The following TLK1 variants were observed in gnomAD, a reference collection of about 807,000 sequenced individuals.
The protein encoded by TLK1 is tousled like kinase 1.
TLK1 carries 24 observed loss-of-function variants against 105.3 expected under a neutral mutation model. The observed-to-expected ratio is 0.23, with a 90% CI of 0.17 to 0.32. The LOEUF (loss-of-function observed/expected upper bound fraction) is 0.32. Among genes scored for constraint, TLK1 ranks in the 10% least tolerant of loss-of-function variants. The pLI, the probability that TLK1 is intolerant of heterozygous loss-of-function variation, is 1.00. For missense variants in TLK1, 558 were observed against 910.5 expected, an observed-to-expected ratio of 0.61 and a Z score of 4.98; for synonymous variants, 321 against 310.4, an observed-to-expected ratio of 1.03 and a Z score of -0.36.
At chr2:171,015,531 T>C (rs1367189023) in intron 12 of TLK1, among the ~76,000 whole-genome samples, 1 of 150,146 alleles carries the variant, frequency 6.7e-6, no homozygotes, top group East Asian at 2.0e-4. Flanking sequence ...TGTAGTAGAC[T>C]CTAAGGTATC....
At chr2:171,060,962 G>A in intron 4 of TLK1, 119 bp downstream of exon 4, 1 of 953,880 alleles carries the variant, frequency 1.0e-6, no homozygotes, top group Non-Finnish European at 1.6e-6. Context: ...AACTACCTGT[G>A]CACACACCAA....
intron 2 of TLK1, among the ~76,000 whole-genome samples, chr2:171,094,123 TTATAAG>T (rs1325224612): frequency 6.6e-6 from 1 of 152,122 alleles, no homozygotes; most frequent in Non-Finnish European, 1.5e-5. Context: ...AATAGGTCTT[TTATAAG>T]TATATTATTT....
intron 1 of TLK1, among the ~76,000 whole-genome samples, chr2:171,167,172 T>A (rs138347370): frequency 6.1e-4 from 93 of 152,316 alleles, no homozygotes; most frequent in African/African-American, 1.9e-3. Context: ...TACGGAGGTA[T>A]GTTTGTCTTA....
chr2:171,096,918 T>G (rs1019158204), intron 2 of TLK1, among the ~76,000 whole-genome samples: 1 of 152,194 alleles, frequency 6.6e-6, no homozygotes, highest in African/African-American at 2.4e-5. Flanking sequence ...CAAAGTGATC[T>G]ACAGATTCAG....
At chr2:171,219,148 T>C (rs1175059303) in intron 1 of TLK1, among the ~76,000 whole-genome samples, 1 of 152,118 alleles carries the variant, frequency 6.6e-6, no homozygotes, top group African/African-American at 2.4e-5. Flanking sequence ...CCCCATAAAA[T>C]TGTTTTCTTT....
intron 1 of TLK1, among the ~76,000 whole-genome samples, chr2:171,138,504 T>C (rs945383178): frequency 3.3e-5 from 5 of 152,178 alleles, no homozygotes; most frequent in African/African-American, 1.2e-4. Flanking sequence ...ATCATTTTTT[T>C]CTCAAGCTAG....
intron 1 of TLK1, among the ~76,000 whole-genome samples, chr2:171,124,875 C>A (rs1272217180): frequency 6.6e-6 from 1 of 152,188 alleles, no homozygotes. Context: ...TTGGAATTGA[C>A]TCCTTGAATA....
intron 1 of TLK1, among the ~76,000 whole-genome samples, chr2:171,118,558 C>T (rs1388542395): frequency 1.3e-5 from 2 of 152,096 alleles, no homozygotes; most frequent in Non-Finnish European, 2.9e-5. Context: ...TAGTATTAAA[C>T]CACCTTGAAA....
intron 11 of TLK1, among the ~76,000 whole-genome samples, chr2:171,031,285 G>A (rs901829613): frequency 1.5e-4 from 23 of 151,994 alleles, no homozygotes; most frequent in African/African-American, 5.6e-4. Flanking sequence ...AATCAAAAAC[G>A]TTTTTAAAGA....
At chr2:171,190,678 G>A (rs1693128894) in intron 1 of TLK1, among the ~76,000 whole-genome samples, 1 of 152,122 alleles carries the variant, frequency 6.6e-6, no homozygotes, top group African/African-American at 2.4e-5. Context: ...CTTTCAAAAT[G>A]TGAAATCTTT....
chr2:170,994,550 A>C (rs1683960422), intron 20 of TLK1, among the ~76,000 whole-genome samples: 1 of 151,920 alleles, frequency 6.6e-6, no homozygotes, highest in Non-Finnish European at 1.5e-5. Flanking sequence ...AAAAAAAAAA[A>C]AACCTTTCCT....
chr2:171,010,320 G>T (rs527671640), intron 14 of TLK1, among the ~76,000 whole-genome samples: 1 of 152,272 alleles, frequency 6.6e-6, no homozygotes, highest in African/African-American at 2.4e-5. Context: ...TATATACTGA[G>T]GTCAGGGAAG....
intron 3 of TLK1, among the ~76,000 whole-genome samples, chr2:171,069,545 G>T (rs920241251): frequency 3.9e-5 from 6 of 152,148 alleles, no homozygotes; most frequent in African/African-American, 1.4e-4. Context: ...CAGAGATGCT[G>T]CTAAACATCC....
intron 1 of TLK1, among the ~76,000 whole-genome samples, chr2:171,223,466 T>C (rs1035970812): frequency 6.8e-6 from 1 of 148,064 alleles, no homozygotes; most frequent in Non-Finnish European, 1.5e-5. Context: ...TAAATGTCTA[T>C]TCAGGTATTT....
intron 13 of TLK1, among the ~76,000 whole-genome samples, chr2:171,013,771 T>A (rs1685043227): frequency 1.3e-5 from 2 of 152,236 alleles, no homozygotes. Context: ...GGCCACTTCC[T>A]ATTCTGATAC....
chr2:171,149,334 G>C (rs1691937581), intron 1 of TLK1, among the ~76,000 whole-genome samples: 1 of 151,922 alleles, frequency 6.6e-6, no homozygotes, highest in South Asian at 2.1e-4. Flanking sequence ...GTGAAACCTT[G>C]TAGTTACTAT....
chr2:171,065,583 G>A (rs1490498471), intron 3 of TLK1, among the ~76,000 whole-genome samples: 1 of 151,360 alleles, frequency 6.6e-6, no homozygotes, highest in African/African-American at 2.4e-5. Context: ...TGTCGCCCAG[G>A]CTGGAGTGCA....
intron 18 of TLK1, among the ~76,000 whole-genome samples, chr2:171,002,305 C>T (rs1347958239): frequency 6.6e-6 from 1 of 152,098 alleles, no homozygotes; most frequent in Non-Finnish European, 1.5e-5. Context: ...GTCACCCAGG[C>T]TGGAGTGCCA....
Position 171,007,033 on chromosome 2 carries a change from C to T in TLK1, c.1447G>A (p.Ala483Thr). 6.2e-7 allele frequency: 1 copy of T among 1,608,698 alleles called. No individual in the cohort carries two copies. Among genetic ancestry groups the T allele is most frequent in the Non-Finnish European group, 8.5e-7 (1 of 1,178,708 alleles). ...AFDLYEQRYA[A>T]VKIHQLNKSW... ...TTATTAAGCTGATGTATCTTCACAG[C>T]AGCATATCTTTGTTCATAAAGGTCA... is the stretch of plus-strand genomic sequence containing the variant. Residue 483 changes from alanine (A) to threonine (T), a missense_variant, in exon 15 of 21, where the codon GCT (alanine) becomes ACT (threonine). By Grantham distance (58) the Ala-to-Thr change is moderately conservative. Around this residue, in one of 5 missense-constraint regions of TLK1, gnomAD observed 218 missense variants for 492.9 expected, o/e 0.44. Transcript: ENST00000431350.
Sources: gnomAD v4.1 joint callset for allele counts (sites outside exome capture counted in the v4.1 genomes callset) on GRCh38, gnomAD v4.1.1 for gene constraint, gnomAD v4.1.1 regional missense constraint, MANE v1.5 for transcripts, NCBI Gene and HGNC (gene_info 2026-07-23, HGNC 2026-07-21) for gene names.